The following EPHB2 variants were observed in gnomAD, a reference collection of about 807,000 sequenced individuals.
The protein encoded by EPHB2 is EPH receptor B2.
EPHB2 carries 18 observed loss-of-function variants against 96.4 expected under a neutral mutation model. The ratio of observed to expected loss-of-function variants is 0.19; its 90% CI spans 0.13 to 0.28. The LOEUF (loss-of-function observed/expected upper bound fraction) is 0.28, where lower values mean the gene tolerates loss of function less well. Among genes scored for constraint, EPHB2 ranks in the 10% least tolerant of loss-of-function variants. EPHB2 has a pLI of 1.00. For synonymous variants in EPHB2, 506 were observed against 534.1 expected (o/e 0.95, Z 0.72); for missense variants, 989 against 1,355.4 (o/e 0.73, Z 4.25).
intron 3 of EPHB2, among the ~76,000 whole-genome samples, chr1:22,812,786 T>C (rs1226948411): frequency 6.6e-6 from 1 of 152,222 alleles, no homozygotes; most frequent in Non-Finnish European, 1.5e-5. Context: ...CTGTTCATCG[T>C]GGGTGGGAGT....
rs757107429 is a variant in EPHB2, at chr1:22,913,726, C to A, written c.*156C>A. The A allele has an allele frequency of 6.2e-7, 1 of 1,602,452 alleles. No homozygotes were observed. The highest frequency in any genetic ancestry group is 1.3e-5 in the African/African-American group (1 of 74,356). ...AGCGGTGCCAGCCACGAGACGTCACCAAGAAAACATGCAACTCAAACGACG... is the reference window on the plus strand; with the variant it reads ...AGCGGTGCCAGCCACGAGACGTCACAAAGAAAACATGCAACTCAAACGACG... On this transcript the variant is annotated 3_prime_UTR_variant, in exon 16 of 16. Coordinates refer to ENST00000374630, the MANE Select transcript of EPHB2 (RefSeq NM_017449.5). The surrounding 1 kb of genome is among the most constrained non-coding windows in gnomAD (Gnocchi z 4.1).
At chr1:22,720,660 TCCCCC>T (rs916713865) in intron 1 of EPHB2, among the ~76,000 whole-genome samples, 3 of 57,380 alleles carry the variant, frequency 5.2e-5, no homozygotes, top group Non-Finnish European at 3.4e-5. Flanking sequence ...GAAATCTCAT[TCCCCC>T]CCCCCCCCGC....
At chr1:22,725,032 T>G (rs1035234428) in intron 1 of EPHB2, among the ~76,000 whole-genome samples, 1 of 152,068 alleles carries the variant, frequency 6.6e-6, no homozygotes, top group African/African-American at 2.4e-5. Flanking sequence ...CCCCTCCCCC[T>G]TCTGCTCTTG....
chr1:22,809,140 A>C (rs529143675), intron 3 of EPHB2, among the ~76,000 whole-genome samples: 126 of 152,228 alleles, frequency 8.3e-4, no homozygotes, highest in Non-Finnish European at 1.4e-3. Context: ...GTCCCCTGGC[A>C]CCCTCAGCCC....
At chr1:22,792,417 C>T (rs915992250) in intron 3 of EPHB2, among the ~76,000 whole-genome samples, 9 of 152,150 alleles carry the variant, frequency 5.9e-5, no homozygotes, top group Non-Finnish European at 1.3e-4. Flanking sequence ...GACCCCCAGG[C>T]TCAGGCCAGG....
At chr1:22,753,357 C>G (rs1644094155) in intron 1 of EPHB2, among the ~76,000 whole-genome samples, 1 of 152,238 alleles carries the variant, frequency 6.6e-6, no homozygotes, top group Non-Finnish European at 1.5e-5. Flanking sequence ...GGCACACATC[C>G]TGGCCCGTGC....
intron 1 of EPHB2, among the ~76,000 whole-genome samples, chr1:22,750,771 T>C (rs371445756): frequency 5.9e-5 from 9 of 152,352 alleles, no homozygotes; most frequent in Non-Finnish European, 7.3e-5. Context: ...TTGCAAATAT[T>C]ACAAATATTT....
At chr1:22,826,205 G>A (rs1030936323) in intron 3 of EPHB2, among the ~76,000 whole-genome samples, 8 of 152,176 alleles carry the variant, frequency 5.3e-5, no homozygotes, top group South Asian at 2.1e-4. Context: ...TACTAAGTGC[G>A]TTCAGTGTGA....
At chr1:22,880,728 A>G (rs532908374) in intron 5 of EPHB2, among the ~76,000 whole-genome samples, 11 of 152,354 alleles carry the variant, frequency 7.2e-5, no homozygotes, top group African/African-American at 2.4e-4. Context: ...ACCTGTCAGC[A>G]GGGGTGATAC....
chr1:22,731,950 A>G (rs567874581), intron 1 of EPHB2, among the ~76,000 whole-genome samples: 1 of 152,346 alleles, frequency 6.6e-6, no homozygotes, highest in South Asian at 2.1e-4. Flanking sequence ...ATCCCACCCA[A>G]GAGGAATTTG....
chr1:22,738,558 C>A (rs1238090049), intron 1 of EPHB2, among the ~76,000 whole-genome samples: 1 of 152,224 alleles, frequency 6.6e-6, no homozygotes, highest in Non-Finnish European at 1.5e-5. Context: ...TAGTAAATGG[C>A]AGAGCCAGGA....
intron 1 of EPHB2, among the ~76,000 whole-genome samples, chr1:22,723,177 G>T (rs139781975): frequency 2.0e-4 from 30 of 152,336 alleles, no homozygotes; most frequent in African/African-American, 7.0e-4. Flanking sequence ...CATCTGAAAC[G>T]TGTAAGTGGG....
At chr1:22,821,512 C>A (rs372556526) in intron 3 of EPHB2, among the ~76,000 whole-genome samples, 23 of 152,148 alleles carry the variant, frequency 1.5e-4, no homozygotes, top group African/African-American at 4.3e-4. Context: ...AAGGCACTCA[C>A]CCAGAATTGA....
At chr1:22,713,910 G>A (rs1426667286) in intron 1 of EPHB2, among the ~76,000 whole-genome samples, 2 of 152,192 alleles carry the variant, frequency 1.3e-5, no homozygotes, top group African/African-American at 2.4e-5. Context: ...CCCCGACCAA[G>A]TGAAAGAAAG....
rs1410122879 is a variant in EPHB2, at chr1:22,781,604, G to A, written c.126+119G>A. On this transcript the variant is annotated intron_variant, in intron 2 of 15. Transcript: ENST00000374630. ...CCCCCTCTTCAGGACCCAGAGCCAG[G>A]CCTCTCTCAGCCCCACCCTCCCAAT... 64 of 914,648 alleles carry A rather than the reference G, an allele frequency of 7.0e-5. 1 individual carries two copies. The highest frequency in any genetic ancestry group is 1.7e-6 in the Non-Finnish European group (1 of 573,438). 56.7% of individuals were successfully genotyped at this position (914,648 alleles called of 1,614,324 possible).
intron 3 of EPHB2, among the ~76,000 whole-genome samples, chr1:22,832,014 A>T (rs956771101): frequency 1.3e-5 from 2 of 152,202 alleles, no homozygotes; most frequent in Non-Finnish European, 2.9e-5. Flanking sequence ...CCAGGCCCCA[A>T]ATGGAGCAGC....
intron 3 of EPHB2, among the ~76,000 whole-genome samples, chr1:22,823,445 A>G (rs1645180837): frequency 6.6e-6 from 1 of 151,968 alleles, no homozygotes; most frequent in South Asian, 2.1e-4. Flanking sequence ...AGGTTTGTGA[A>G]CCTCCTTTGT....
intron 3 of EPHB2, among the ~76,000 whole-genome samples, chr1:22,833,387 G>A (rs1420948188): frequency 6.6e-6 from 1 of 152,144 alleles, no homozygotes; most frequent in African/African-American, 2.4e-5. Flanking sequence ...CAAAGTGCTG[G>A]GATTACAGGC....
chr1:22,882,569 G>T, intron 6 of EPHB2, 86 bp downstream of exon 6: 1 of 1,590,586 alleles, frequency 6.3e-7, no homozygotes, highest in Non-Finnish European at 8.6e-7. Flanking sequence ...CTGCCCCACC[G>T]CAAGATGAGA....
Sources: gnomAD v4.1 joint callset for allele counts (sites outside exome capture counted in the v4.1 genomes callset) on GRCh38, gnomAD v4.1.1 for gene constraint, Gnocchi (gnomAD v3.1) non-coding constraint, MANE v1.5 for transcripts, NCBI Gene and HGNC (gene_info 2026-07-23, HGNC 2026-07-21) for gene names.